Variants in TMEM131 observed in about 807,000 individuals in gnomAD.
TMEM131 encodes the protein 2610524E03Rik.
A neutral mutation model predicts 211.6 loss-of-function variants in TMEM131; 66 were observed. The observed-to-expected ratio is 0.31, with a 90% CI of 0.26 to 0.38. The LOEUF is 0.38. Among genes scored for constraint, TMEM131 ranks in the 10% least tolerant of loss-of-function variants. The pLI, the probability that TMEM131 is intolerant of heterozygous loss-of-function variation, is 1.00. For missense variants in TMEM131, 2,036 were observed against 2,299.3 expected, an observed-to-expected ratio of 0.89 and a Z score of 2.34; for synonymous variants, 844 against 841.3, an observed-to-expected ratio of 1.00 and a Z score of -0.06.
chr2:97,855,974 T>C (rs1243774193), intron 5 of TMEM131, among the ~76,000 whole-genome samples: 2 of 152,210 alleles, frequency 1.3e-5, no homozygotes, highest in Non-Finnish European at 2.9e-5. Context: ...TCATTAAGTA[T>C]ACTGAAATAA....
chr2:97,901,954 A>G (rs1173659801), intron 3 of TMEM131, among the ~76,000 whole-genome samples: 5 of 152,174 alleles, frequency 3.3e-5, no homozygotes, highest in African/African-American at 1.2e-4. Context: ...AAGATTGGAA[A>G]TGTTCCTAAC....
chr2:97,956,565 A>C (rs192948941), intron 1 of TMEM131, among the ~76,000 whole-genome samples: 2 of 152,276 alleles, frequency 1.3e-5, no homozygotes, highest in East Asian at 3.9e-4. Context: ...AAAGACTTAA[A>C]GTTTGGAAAA....
chr2:97,983,651 C>T (rs991255021), intron 1 of TMEM131, among the ~76,000 whole-genome samples: 4 of 152,292 alleles, frequency 2.6e-5, no homozygotes, highest in African/African-American at 7.2e-5. Context: ...CCAATAAATA[C>T]GAAAGGACTG....
rs574580439 is a variant in TMEM131 at position 97,910,714 on chromosome 2, C to A, written c.250-2016G>T. Among the ~76,000 whole-genome samples, 32 of 152,124 alleles carry A rather than the reference C, an allele frequency of 2.1e-4. No homozygotes were observed. The South Asian group carries it at 6.0e-3, about 29-fold the overall frequency. ...TTTTGATTTGCATTTCTCTAATGAC[C>A]AGTGATGATGAGTTTTTTTTTCTTA... On this transcript the variant is annotated intron_variant, in intron 2 of 40. Transcript: ENST00000186436.
intron 4 of TMEM131, among the ~76,000 whole-genome samples, chr2:97,877,135 T>A (rs935515713): frequency 1.3e-5 from 2 of 152,002 alleles, no homozygotes; most frequent in Admixed American, 6.5e-5. Context: ...TACCTAGGAA[T>A]CCAACTAACA....
At chr2:97,834,251 A>G (rs1014460000) in intron 10 of TMEM131, among the ~76,000 whole-genome samples, 1 of 152,186 alleles carries the variant, frequency 6.6e-6, no homozygotes, top group African/African-American at 2.4e-5. Flanking sequence ...CATTTTGTCA[A>G]AATGTAATTT....
At position 97,809,787 on chromosome 2, in the gene TMEM131, G is replaced by A. The variant is rs756263886; in HGVS notation, c.1969-13C>T. On this transcript the variant is annotated splice_polypyrimidine_tract_variant and intron_variant, in intron 18 of 40. Coordinates refer to ENST00000186436, the MANE Select transcript of TMEM131 (RefSeq NM_015348.2). ...GGATTGTCAGGATCTGTGAAGTCAA[G>A]AAGATGATGATAGATAAGTAGTTAA... is the stretch of plus-strand genomic sequence containing the variant. The A allele has an allele frequency of 6.3e-7, 1 of 1,583,238 alleles. No homozygotes were observed. The highest frequency in any genetic ancestry group is 1.8e-5 in the Admixed American group (1 of 56,096).
Position 97,792,906 on chromosome 2 carries a change from G to T in TMEM131, c.3624C>A (p.Ala1208=). 1 of 1,612,634 alleles carries T rather than the reference G, an allele frequency of 6.2e-7. No individual in the cohort carries two copies. Among genetic ancestry groups the T allele is most frequent in the Non-Finnish European group, 8.5e-7 (1 of 1,179,624 alleles). The change falls in exon 31 of 41, where the codon GCC becomes GCA. Residue 1208 remains alanine (A), a synonymous_variant. Transcript: ENST00000186436. ...GAGGSSSRPS[A]GSHKQCGPSV... is the part of the protein sequence containing the mutation. Reference sequence around the variant, plus strand: ...ATGGGCCACACTGCTTATGACTCCCGGCACTGGGTCGGGATGATGAACCGC... The same window carrying T: ...ATGGGCCACACTGCTTATGACTCCCTGCACTGGGTCGGGATGATGAACCGC...
At chr2:97,771,020 A>G (rs1482233478) in intron 33 of TMEM131, among the ~76,000 whole-genome samples, 1 of 152,146 alleles carries the variant, frequency 6.6e-6, no homozygotes, top group Non-Finnish European at 1.5e-5. Context: ...TTGGTGTCTC[A>G]GGTGGATTTC....
At chr2:97,839,097 C>T (rs918721686) in intron 7 of TMEM131, among the ~76,000 whole-genome samples, 3 of 152,042 alleles carry the variant, frequency 2.0e-5, no homozygotes, top group East Asian at 1.9e-4. Context: ...GCCAAGGTAG[C>T]GGGGATCACT....
At chr2:97,784,788 G>A (rs949295421) in intron 31 of TMEM131, among the ~76,000 whole-genome samples, 1 of 151,928 alleles carries the variant, frequency 6.6e-6, no homozygotes, top group East Asian at 1.9e-4. Flanking sequence ...GATAAGCAAC[G>A]GAGAAAAATC....
At chr2:97,793,367 G>A (rs1243271290) in intron 30 of TMEM131, 28 bp downstream of exon 30, 20 of 1,591,878 alleles carry the variant, frequency 1.3e-5, no homozygotes, top group Non-Finnish European at 1.6e-5. Context: ...TGTACACTAG[G>A]GAATTTATTG....
intron 2 of TMEM131, among the ~76,000 whole-genome samples, chr2:97,909,993 G>A (rs1676228635): frequency 6.6e-6 from 1 of 152,096 alleles, no homozygotes; most frequent in Non-Finnish European, 1.5e-5. Flanking sequence ...TATCTGATGA[G>A]ATTAATATCT....
intron 3 of TMEM131, among the ~76,000 whole-genome samples, chr2:97,903,479 A>G (rs959736889): frequency 6.6e-6 from 1 of 152,216 alleles, no homozygotes; most frequent in Non-Finnish European, 1.5e-5. Flanking sequence ...TCAGAGTTTC[A>G]TGTAAAACAC....
intron 31 of TMEM131, among the ~76,000 whole-genome samples, chr2:97,789,397 A>C (rs1249056596): frequency 1.3e-5 from 2 of 152,248 alleles, no homozygotes; most frequent in East Asian, 3.8e-4. Context: ...AGCAGGCTAC[A>C]GATGGCATGT....
chr2:97,850,962 T>G (rs2105141240), intron 5 of TMEM131, among the ~76,000 whole-genome samples: 2 of 151,790 alleles, frequency 1.3e-5, no homozygotes, highest in African/African-American at 4.8e-5. Context: ...CACCATGGAA[T>G]GTTTAATTTT....
At chr2:97,760,207 G>A (rs1200547450) in intron 38 of TMEM131, 1 of 283,712 alleles carries the variant, frequency 3.5e-6, no homozygotes, top group Non-Finnish European at 6.7e-6. Flanking sequence ...GGCGTGGCCA[G>A]TGATTTACTA....
At chr2:97,976,742 G>A (rs1170995176) in intron 1 of TMEM131, among the ~76,000 whole-genome samples, 4 of 151,990 alleles carry the variant, frequency 2.6e-5, no homozygotes, top group South Asian at 2.1e-4. Context: ...ACACTGTTTC[G>A]GTAACTATAA....
chr2:97,809,793 G>A lies in TMEM131; in HGVS notation c.1969-19C>T, dbSNP rs1398103335. 2 of 1,571,714 alleles carry A rather than the reference G, an allele frequency of 1.3e-6. No homozygotes were observed. Among genetic ancestry groups the A allele is most frequent in the Admixed American group, 1.8e-5 (1 of 55,322 alleles). ...TCAGGATCTGTGAAGTCAAGAAGATGATGATAGATAAGTAGTTAAGACTTA... is the reference window on the plus strand; with the variant it reads ...TCAGGATCTGTGAAGTCAAGAAGATAATGATAGATAAGTAGTTAAGACTTA... On this transcript the variant is annotated intron_variant, in intron 18 of 40. Transcript: ENST00000186436.
Sources: gnomAD v4.1 joint callset for allele counts (sites outside exome capture counted in the v4.1 genomes callset) on GRCh38, gnomAD v4.1.1 for gene constraint, MANE v1.5 for transcripts, NCBI Gene and HGNC (gene_info 2026-07-23, HGNC 2026-07-21) for gene names.